FBXO31: variants seen among roughly 807,000 people sequenced by gnomAD.
FBXO31 encodes F-box protein 31, also known as F-box only protein 31.
In FBXO31, 24 loss-of-function variants were observed where a neutral mutation model predicts 54.4. The observed-to-expected ratio is 0.44, with a 90% CI of 0.32 to 0.62. The LOEUF (loss-of-function observed/expected upper bound fraction) is 0.62. FBXO31 is among the 20% of genes least tolerant of loss of function. FBXO31 has a pLI of 0.05. For missense variants in FBXO31, 665 were observed against 787.1 expected (o/e 0.84, Z 1.86); for synonymous variants, 388 against 335.6 (o/e 1.16, Z -1.71).
At chr16:87,376,696 C>T (rs1464017443) in intron 1 of FBXO31, among the ~76,000 whole-genome samples, 1 of 152,222 alleles carries the variant, frequency 6.6e-6, no homozygotes, top group Non-Finnish European at 1.5e-5. Context: ...ACCCCCAAGA[C>T]ACTAAAAAGT....
At chr16:87,333,450 A>C (rs1446697888) in intron 8 of FBXO31, among the ~76,000 whole-genome samples, 3 of 152,074 alleles carry the variant, frequency 2.0e-5, no homozygotes, top group African/African-American at 4.8e-5. Context: ...CCAGGAGGAC[A>C]CCAAACCAGA....
At chr16:87,349,745 T>G (rs980663482) in intron 2 of FBXO31, among the ~76,000 whole-genome samples, 5 of 150,698 alleles carry the variant, frequency 3.3e-5, no homozygotes, top group African/African-American at 9.8e-5. Flanking sequence ...AGCTATTTTT[T>G]TAAAATAAAT....
intron 2 of FBXO31, among the ~76,000 whole-genome samples, chr16:87,352,033 T>G (rs1261977761): frequency 6.6e-6 from 1 of 151,878 alleles, no homozygotes; most frequent in Non-Finnish European, 1.5e-5. Context: ...CGATGTGGGG[T>G]GGGGTGGGGG....
At chr16:87,366,017 A>G (rs887663519) in intron 1 of FBXO31, among the ~76,000 whole-genome samples, 1 of 152,190 alleles carries the variant, frequency 6.6e-6, no homozygotes, top group Non-Finnish European at 1.5e-5. Flanking sequence ...CAACAGTGTG[A>G]GACTGCTTCT....
At position 87,331,262 on chromosome 16, in the gene FBXO31, G is replaced by A. The variant is rs768542870; in HGVS notation, c.*26C>T. 2 of 1,602,004 alleles carry A rather than the reference G, an allele frequency of 1.2e-6. No individual in the cohort carries two copies. The highest frequency in any genetic ancestry group is 1.1e-5 in the South Asian group (1 of 90,724). On this transcript the variant is annotated 3_prime_UTR_variant, in exon 9 of 9. Transcript: ENST00000311635. ...GAGTTCAGAGCCCCAGAGCCACCCG[G>A]GATGTGGCGGCAAGGATGTGGCCGG...
intron 2 of FBXO31, among the ~76,000 whole-genome samples, chr16:87,348,638 G>A (rs979165977): frequency 2.6e-5 from 4 of 152,166 alleles, no homozygotes; most frequent in Middle Eastern, 3.2e-3. Flanking sequence ...GAGGCAGCCG[G>A]CCCAGGCTGT....
chr16:87,360,058 G>A (rs1464835731), intron 2 of FBXO31, among the ~76,000 whole-genome samples: 2 of 152,132 alleles, frequency 1.3e-5, no homozygotes, highest in Admixed American at 6.5e-5. Flanking sequence ...AGCTCTAAAG[G>A]GCCTCGATGC....
intron 1 of FBXO31, among the ~76,000 whole-genome samples, chr16:87,379,408 C>G (rs1324791353): frequency 6.6e-6 from 1 of 152,194 alleles, no homozygotes; most frequent in Non-Finnish European, 1.5e-5. Flanking sequence ...AGGAATTCAT[C>G]TTAAACAGGC....
intron 1 of FBXO31, among the ~76,000 whole-genome samples, chr16:87,381,680 CA>C (rs1300314643): frequency 1.3e-5 from 2 of 152,210 alleles, no homozygotes; most frequent in East Asian, 3.8e-4. Flanking sequence ...CAACAGGCTG[CA>C]AAGGTTTCAT....
At chr16:87,361,532 C>T (rs942963790) in intron 1 of FBXO31, among the ~76,000 whole-genome samples, 2 of 152,136 alleles carry the variant, frequency 1.3e-5, no homozygotes, top group Non-Finnish European at 2.9e-5. Flanking sequence ...CGAGGGAAAC[C>T]GAGGCCCAGT....
rs759640375 is a variant in FBXO31, at chr16:87,336,175, G to C, written c.822C>G (p.Phe274Leu). 6.2e-7 allele frequency: 1 copy of C among 1,613,412 alleles called. No individual in the cohort carries two copies. The highest frequency in any genetic ancestry group is 1.1e-5 in the South Asian group (1 of 91,010). The change falls in exon 6 of 9, where the codon TTC becomes TTG. Residue 274 changes from phenylalanine to leucine, a missense_variant. By Grantham distance (22) the Phe-to-Leu change is conservative (BLOSUM62 0). Transcript: ENST00000311635. The surrounding 1 kb of genome is among the most constrained non-coding windows in gnomAD (Gnocchi z 6.5). ...CTCACTCGTACTGACTGGTGTAGAT[G>C]AACTTCATCAGGATGAGCTCCTGCA... ...EHMQELILMKFIYTSQYDNCL... is the reference protein window; with the variant it reads ...EHMQELILMKLIYTSQYDNCL...
chr16:87,364,624 C>T (rs978561930), intron 1 of FBXO31, among the ~76,000 whole-genome samples: 1 of 152,160 alleles, frequency 6.6e-6, no homozygotes, highest in Admixed American at 6.5e-5. Flanking sequence ...CACCCCAGGC[C>T]ACAGCCCTCC....
chr16:87,360,105 G>A (rs1184929522), intron 2 of FBXO31, among the ~76,000 whole-genome samples, 190 bp downstream of exon 2: 1 of 152,186 alleles, frequency 6.6e-6, no homozygotes, highest in Non-Finnish European at 1.5e-5. Context: ...TGCCCAGAAT[G>A]GGAGAATACG....
rs1346289143 is a variant in FBXO31, at chr16:87,383,067, C to T, written c.340+338G>A. ...GCCCCGCGCAGACCTCGAGGGATCCCAGCCCCAGCTCCCGGCACGGCCTCG... is the reference window on the plus strand; with the variant it reads ...GCCCCGCGCAGACCTCGAGGGATCCTAGCCCCAGCTCCCGGCACGGCCTCG... On this transcript the variant is annotated intron_variant, in intron 1 of 8. Transcript: ENST00000311635. This position sits in a 1 kb window ranked among gnomAD's most constrained non-coding sequence, Gnocchi z 4.9. Among the ~76,000 whole-genome samples, 6 of 152,118 alleles carry T rather than the reference C, an allele frequency of 3.9e-5. No individual in the cohort carries two copies. The highest frequency in any genetic ancestry group is 1.4e-4 in the African/African-American group (6 of 41,430).
chr16:87,378,655 A>G (rs1182389010), intron 1 of FBXO31, among the ~76,000 whole-genome samples: 1 of 152,206 alleles, frequency 6.6e-6, no homozygotes, highest in Non-Finnish European at 1.5e-5. Context: ...ATCCTCAGAA[A>G]AATGTTCAAA....
intron 5 of FBXO31, among the ~76,000 whole-genome samples, chr16:87,339,701 C>T (rs894059324): frequency 2.6e-5 from 4 of 152,206 alleles, no homozygotes; most frequent in African/African-American, 9.7e-5. Flanking sequence ...ATACACTGAC[C>T]GTAAGCGTGC....
intron 1 of FBXO31, among the ~76,000 whole-genome samples, chr16:87,375,395 G>C (rs1213825726): frequency 6.6e-6 from 1 of 152,142 alleles, no homozygotes; most frequent in South Asian, 2.1e-4. Flanking sequence ...GGGAGGCTGA[G>C]GCAGAGAAAT....
intron 5 of FBXO31, 71 bp downstream of exon 5, chr16:87,342,806 G>T (rs1251780729): frequency 1.5e-6 from 2 of 1,362,696 alleles, no homozygotes; most frequent in East Asian, 5.0e-5. Flanking sequence ...CTCCCGCATG[G>T]GTCTGTACTT....
chr16:87,370,405 G>C (rs1408388674), intron 1 of FBXO31, among the ~76,000 whole-genome samples: 1 of 152,232 alleles, frequency 6.6e-6, no homozygotes. Context: ...CTTGAGAAAG[G>C]CACCACACTA....
Sources: gnomAD v4.1 joint callset for allele counts (sites outside exome capture counted in the v4.1 genomes callset) on GRCh38, gnomAD v4.1.1 for gene constraint, Gnocchi (gnomAD v3.1) non-coding constraint, MANE v1.5 for transcripts, NCBI Gene and HGNC (gene_info 2026-07-23, HGNC 2026-07-21) for gene names.